IQCK: variants seen among roughly 807,000 people sequenced by gnomAD.
IQCK encodes the protein IQ domain-containing protein K.
In IQCK, 29 loss-of-function variants were observed where a neutral mutation model predicts 28.1. The ratio of observed to expected loss-of-function variants is 1.03; its 90% CI spans 0.77 to 1.41. The LOEUF (loss-of-function observed/expected upper bound fraction) is 1.41. IQCK is among the 40% of genes most tolerant of loss of function. IQCK has a pLI of 0.00. For synonymous variants in IQCK, 113 were observed against 115.1 expected, an observed-to-expected ratio of 0.98 and a Z score of 0.12; for missense variants, 359 against 314.7, an observed-to-expected ratio of 1.14 and a Z score of -1.07.
intron 7 of IQCK, among the ~76,000 whole-genome samples, chr16:19,811,038 C>T (rs915995407): frequency 6.6e-6 from 1 of 152,194 alleles, no homozygotes; most frequent in African/African-American, 2.4e-5. Context: ...AATCCCAACA[C>T]TTTGGGAGGC....
At chr16:19,780,908 A>C (rs1445604845) in intron 6 of IQCK, among the ~76,000 whole-genome samples, 1 of 152,238 alleles carries the variant, frequency 6.6e-6, no homozygotes, top group Non-Finnish European at 1.5e-5. Context: ...ATTTCAATAT[A>C]ATTGGTTTGC....
chr16:19,722,684 C>T (rs1977531950), intron 1 of IQCK, among the ~76,000 whole-genome samples: 1 of 151,838 alleles, frequency 6.6e-6, no homozygotes, highest in African/African-American at 2.4e-5. Flanking sequence ...CGAATGTTAC[C>T]ATCGTTCACT....
chr16:19,850,632 A>C (rs1458805296), intron 9 of IQCK, among the ~76,000 whole-genome samples: 2 of 152,150 alleles, frequency 1.3e-5, no homozygotes, highest in Non-Finnish European at 2.9e-5. Context: ...GTATGTGAGC[A>C]TCTCGTGGTT....
At chr16:19,764,063 T>G in exon 6 of IQCK, 2 of 1,614,068 alleles carry the variant, frequency 1.2e-6, no homozygotes, top group Non-Finnish European at 1.7e-6. Flanking sequence ...AGGGGAGCCA[T>G]TCACAGAATT....
intron 1 of IQCK, among the ~76,000 whole-genome samples, chr16:19,719,941 A>G (rs1365975523): frequency 2.0e-5 from 3 of 151,976 alleles, no homozygotes; most frequent in African/African-American, 7.2e-5. Flanking sequence ...CCAAAGTGCT[A>G]CAATTACAGG....
At chr16:19,842,269 T>C (rs2056370537) in intron 9 of IQCK, among the ~76,000 whole-genome samples, 1 of 152,244 alleles carries the variant, frequency 6.6e-6, no homozygotes, top group African/African-American at 2.4e-5. Context: ...CAACATGCTT[T>C]GCTTATTGTA....
At chr16:19,828,861 T>A (rs568150284), downstream of IQCK, among the ~76,000 whole-genome samples, 432 of 134,608 alleles carry the variant, frequency 3.2e-3, 2 homozygotes, top group East Asian at 0.014. Context: ...AAAAAAAATA[T>A]ATATATATAT....
chr16:19,785,032 G>A (rs566042850), intron 6 of IQCK, among the ~76,000 whole-genome samples: 1 of 152,294 alleles, frequency 6.6e-6, no homozygotes, highest in East Asian at 1.9e-4. Flanking sequence ...GCCTTCCAAA[G>A]TGCTGGGATT....
chr16:19,846,031 C>T (rs1237046171), intron 9 of IQCK, among the ~76,000 whole-genome samples: 1 of 152,128 alleles, frequency 6.6e-6, no homozygotes, highest in Non-Finnish European at 1.5e-5. Context: ...GAGCTGAGAT[C>T]ACATCACTGC....
chr16:19,781,293 G>A (rs912170974), intron 6 of IQCK, among the ~76,000 whole-genome samples: 1 of 152,144 alleles, frequency 6.6e-6, no homozygotes, highest in Admixed American at 6.6e-5. Context: ...CCACATGGGA[G>A]CATGTGGTCT....
intron 1 of IQCK, among the ~76,000 whole-genome samples, chr16:19,720,331 C>G (rs896579641): frequency 2.6e-5 from 4 of 152,212 alleles, no homozygotes; most frequent in African/African-American, 9.6e-5. Flanking sequence ...AGAATCTACT[C>G]AGATAATTTG....
intron 9 of IQCK, among the ~76,000 whole-genome samples, chr16:19,834,682 A>G (rs2056273473): frequency 6.6e-6 from 1 of 152,240 alleles, no homozygotes; most frequent in Non-Finnish European, 1.5e-5. Context: ...CACTAAAGCA[A>G]GAAACCAGGG....
At chr16:19,742,166 C>T (rs1029359154) in intron 4 of IQCK, among the ~76,000 whole-genome samples, 8 of 152,020 alleles carry the variant, frequency 5.3e-5, no homozygotes, top group African/African-American at 9.7e-5. Context: ...TGTCATTGGG[C>T]GGAAGAGGGG....
downstream of IQCK, among the ~76,000 whole-genome samples, chr16:19,830,310 G>A (rs766996708): frequency 1.3e-5 from 2 of 152,198 alleles, no homozygotes; most frequent in East Asian, 3.8e-4. Context: ...GTATTCTTTG[G>A]ATTTGATTTG....
At chr16:19,826,993 A>G in intron 7 of IQCK, 33 bp from the exon 8 acceptor site, 1 of 1,441,110 alleles carries the variant, frequency 6.9e-7, no homozygotes, top group East Asian at 2.3e-5. Flanking sequence ...AAGTGTGTCG[A>G]AAAGGGACTA....
At chr16:19,766,614 C>T (rs528939075) in intron 6 of IQCK, among the ~76,000 whole-genome samples, 2 of 152,340 alleles carry the variant, frequency 1.3e-5, no homozygotes, top group South Asian at 2.1e-4. Flanking sequence ...CTGGATAATT[C>T]TTTGCTGTAA....
intron 4 of IQCK, among the ~76,000 whole-genome samples, chr16:19,760,881 A>C (rs2055128825): frequency 6.6e-6 from 1 of 152,202 alleles, no homozygotes; most frequent in African/African-American, 2.4e-5. Flanking sequence ...GTATATGCTA[A>C]GCAAGGGGTG....
chr16:19,838,828 G>A lies in IQCK; in HGVS notation c.802+11691G>A, dbSNP rs2056329690. Among the ~76,000 whole-genome samples the A allele has an allele frequency of 2.0e-5, 3 of 152,002 alleles. No homozygotes were observed. The South Asian group carries it at 6.2e-4, about 32-fold the overall frequency. On this transcript the variant is annotated intron_variant, in intron 9 of 9. Coordinates refer to the IQCK transcript ENST00000320394. ...GAGGTTAGGAGTTCGAGACCAGCCT[G>A]GCCAACATGGTGAAACCCTGTCTCT...
chr16:19,808,360 AC>A (rs2141063081), intron 7 of IQCK, among the ~76,000 whole-genome samples: 1 of 152,152 alleles, frequency 6.6e-6, no homozygotes, highest in African/African-American at 2.4e-5. Flanking sequence ...GTCACAATGT[AC>A]CCCCAGTATG....
Sources: allele counts gnomAD v4.1 joint callset (sites outside exome capture counted in the v4.1 genomes callset), GRCh38; gene constraint gnomAD v4.1.1; transcripts MANE v1.5; gene names NCBI Gene and HGNC (gene_info 2026-07-23, HGNC 2026-07-21).